The following KLF13 variants were observed in gnomAD, a reference collection of about 807,000 sequenced individuals.
The protein encoded by KLF13 is Krueppel-like factor 13.
KLF13 carries 8 observed loss-of-function variants against 16.7 expected under a neutral mutation model. The observed-to-expected ratio is 0.48, with a 90% CI of 0.28 to 0.87. The LOEUF (loss-of-function observed/expected upper bound fraction) is 0.87, where lower values mean the gene tolerates loss of function less well. Among genes scored for constraint, KLF13 ranks in the 40% least tolerant of loss-of-function variants. The probability of loss-of-function intolerance (pLI) is 0.10; values close to 1 mark genes in which losing one functional copy is unlikely to be tolerated. For missense variants in KLF13, 447 were observed against 452.2 expected, an observed-to-expected ratio of 0.99 and a Z score of 0.10; for synonymous variants, 245 against 208.4, an observed-to-expected ratio of 1.18 and a Z score of -1.51.
At chr15:31,395,591 T>C (rs1388387597) in intron 2 of KLF13, among the ~76,000 whole-genome samples, 1 of 152,192 alleles carries the variant, frequency 6.6e-6, no homozygotes, top group Non-Finnish European at 1.5e-5. Context: ...TCTGCACTAT[T>C]TTACATTCCC....
chr15:31,340,389 T>G (rs980766136), intron 1 of KLF13, among the ~76,000 whole-genome samples: 1 of 152,198 alleles, frequency 6.6e-6, no homozygotes, highest in Admixed American at 6.5e-5. Context: ...CCTTTCCAGG[T>G]TTCCCTGTTG....
At chr15:31,345,851 G>T (rs1024360622) in intron 1 of KLF13, among the ~76,000 whole-genome samples, 1 of 152,124 alleles carries the variant, frequency 6.6e-6, no homozygotes, top group East Asian at 1.9e-4. Context: ...CAGTTTACCG[G>T]GGGCAAATGA....
chr15:31,371,773 C>T lies in KLF13; in HGVS notation c.578-237C>T, dbSNP rs139645873. 2.3e-3 allele frequency among the ~76,000 whole-genome samples: 355 copies of T among 152,342 alleles called. 1 individual carries two copies. The highest frequency in any genetic ancestry group is 8.2e-3 in the African/African-American group (339 of 41,574). On this transcript the variant is annotated intron_variant, in intron 1 of 1. Transcript: ENST00000307145. The stretch of plus-strand genomic sequence containing the variant: ...ACCCATGGGCCCTGCAGCTTCAGCA[C>T]CTGAAATGCTGTTTTATCCTAGGCC...
Position 31,342,041 on chromosome 15 carries a change from C to T in KLF13, c.577+14252C>T, listed in dbSNP as rs552656368. On this transcript the variant is annotated intron_variant, in intron 1 of 1. Coordinates refer to ENST00000307145, the MANE Select transcript of KLF13 (RefSeq NM_015995.4). ...CCAGGTAACCAACCCCTCTCAGGTA[C>T]CAACAGGCTGTACCTGGCTAGACTC... 5.5e-4 allele frequency among the ~76,000 whole-genome samples: 84 copies of T among 152,284 alleles called. 1 individual carries two copies. Among genetic ancestry groups the T allele is most frequent in the African/African-American group, 1.9e-3 (81 of 41,554 alleles).
At chr15:31,409,105 C>T (rs28405352), downstream of KLF13, among the ~76,000 whole-genome samples, 16,099 of 151,898 alleles carry the variant, frequency 0.11, 2,970 homozygotes, top group African/African-American at 0.37. Context: ...GCCAATGTGG[C>T]GAAAACCTGT....
upstream of KLF13, among the ~76,000 whole-genome samples, chr15:31,389,957 C>T (rs1057199859): frequency 3.9e-5 from 6 of 152,204 alleles, no homozygotes; most frequent in East Asian, 1.2e-3. Flanking sequence ...TGCCTTCCCT[C>T]AGGAACTGAA....
intron 1 of KLF13, among the ~76,000 whole-genome samples, chr15:31,365,824 G>T (rs1367362556): frequency 2.6e-5 from 4 of 152,186 alleles, no homozygotes; most frequent in African/African-American, 9.6e-5. Flanking sequence ...GAGAGGGGAG[G>T]GCCTGGGACT....
intron 1 of KLF13, among the ~76,000 whole-genome samples, chr15:31,415,757 A>C (rs1004655809): frequency 1.3e-5 from 2 of 152,142 alleles, no homozygotes; most frequent in African/African-American, 4.8e-5. Flanking sequence ...AAGCAAGCCA[A>C]AGGAAGAAAA....
intron 1 of KLF13, among the ~76,000 whole-genome samples, chr15:31,355,130 A>G (rs1180220210): frequency 1.3e-5 from 2 of 152,226 alleles, no homozygotes; most frequent in Non-Finnish European, 2.9e-5. Flanking sequence ...ACAGGTGTTT[A>G]TGAGATCAAA....
intron 1 of KLF13, among the ~76,000 whole-genome samples, chr15:31,342,221 G>A (rs2039036677): frequency 6.6e-6 from 1 of 152,130 alleles, no homozygotes; most frequent in African/African-American, 2.4e-5. Context: ...AGTCTTACAG[G>A]GACAGGAGAG....
intron 1 of KLF13, chr15:31,435,341 G>A (rs1007050188): frequency 6.6e-6 from 1 of 152,096 alleles, no homozygotes; most frequent in East Asian, 1.9e-4. Flanking sequence ...ATCTCAAAAC[G>A]GCCTCAAGAG....
At chr15:31,342,597 A>G (rs1212990423) in intron 1 of KLF13, among the ~76,000 whole-genome samples, 2 of 152,110 alleles carry the variant, frequency 1.3e-5, no homozygotes, top group Admixed American at 1.3e-4. Flanking sequence ...TAGGTTTGCT[A>G]TTTTTGTGTC....
chr15:31,357,276 G>A (rs943936928), intron 1 of KLF13, among the ~76,000 whole-genome samples: 58 of 152,214 alleles, frequency 3.8e-4, no homozygotes, highest in Admixed American at 1.4e-3. Flanking sequence ...AGCTCTGGAA[G>A]TCTTCTCGTT....
chr15:31,376,211 C>CAGGGG lies in KLF13; in HGVS notation c.*3912_*3913insAGGGG, dbSNP rs1260444968. The CAGGGG allele has an allele frequency of 6.5e-6, 1 of 152,756 alleles. No individual in the cohort carries two copies. Among genetic ancestry groups the CAGGGG allele is most frequent in the East Asian group, 1.9e-4 (1 of 5,200 alleles). 9.5% of individuals were successfully genotyped at this position (152,756 alleles called of 1,614,324 possible). On this transcript the variant is annotated 3_prime_UTR_variant, in exon 2 of 2. Transcript: ENST00000307145. ...CCTCGGGACCCATTCAGGATCTCAG[C>CAGGGG]TGGGCAGGGGTGCCACCCAACAGGA... is the stretch of plus-strand genomic sequence containing the variant.
chr15:31,417,837 C>T (rs931766033), intron 1 of KLF13, among the ~76,000 whole-genome samples: 6 of 152,124 alleles, frequency 3.9e-5, no homozygotes, highest in Non-Finnish European at 7.4e-5. Context: ...TGAGCCACTG[C>T]GCCCGGCTTT....
chr15:31,430,526 T>G (rs11071016), intron 1 of KLF13, among the ~76,000 whole-genome samples: 142,457 of 152,228 alleles, frequency 0.94, 66,801 homozygotes, highest in East Asian at 1. Context: ...GAGGGTGAGG[T>G]AGAGAGTAAA....
At chr15:31,356,959 G>A (rs1257948419) in intron 1 of KLF13, among the ~76,000 whole-genome samples, 1 of 152,212 alleles carries the variant, frequency 6.6e-6, no homozygotes, top group Non-Finnish European at 1.5e-5. Flanking sequence ...CACCTCCTGT[G>A]TTCTCAGGGC....
chr15:31,406,639 G>A (rs1428633688), downstream of KLF13, among the ~76,000 whole-genome samples: 1 of 152,208 alleles, frequency 6.6e-6, no homozygotes, highest in Non-Finnish European at 1.5e-5. Context: ...TTCTCTTACA[G>A]CTATAATGGT....
chr15:31,397,998 G>C (rs368400537), intron 2 of KLF13, among the ~76,000 whole-genome samples: 1 of 152,066 alleles, frequency 6.6e-6, no homozygotes, highest in Non-Finnish European at 1.5e-5. Flanking sequence ...TCTCCGGGTC[G>C]ACCCTGAGTT....
Sources: gnomAD v4.1 joint callset for allele counts (sites outside exome capture counted in the v4.1 genomes callset) on GRCh38, gnomAD v4.1.1 for gene constraint, MANE v1.5 for transcripts, NCBI Gene and HGNC (gene_info 2026-07-23, HGNC 2026-07-21) for gene names.